Variants in UXS1 observed in about 807,000 individuals in gnomAD.
The protein encoded by UXS1 is UDP-glucuronic acid decarboxylase 1.
A neutral mutation model predicts 62.6 loss-of-function variants in UXS1; 33 were observed. The ratio of observed to expected loss-of-function variants is 0.53; its 90% CI spans 0.40 to 0.70. The LOEUF (loss-of-function observed/expected upper bound fraction) is 0.70, where lower values mean the gene tolerates loss of function less well. UXS1 is among the 30% of genes least tolerant of loss of function. UXS1 has a pLI of 0.00. For missense variants in UXS1, 434 were observed against 556.3 expected (o/e 0.78, Z 2.21); for synonymous variants, 213 against 206.8 (o/e 1.03, Z -0.26).
At chr2:106,110,347 G>A (rs141015334) in intron 10 of UXS1, among the ~76,000 whole-genome samples, 6 of 152,310 alleles carry the variant, frequency 3.9e-5, no homozygotes, top group African/African-American at 9.6e-5. Flanking sequence ...AACAATGCAT[G>A]CATTCTTGGG....
At chr2:106,128,349 T>C (rs189938802) in intron 7 of UXS1, among the ~76,000 whole-genome samples, 116 of 152,298 alleles carry the variant, frequency 7.6e-4, no homozygotes, top group Admixed American at 2.5e-3. Flanking sequence ...CTGTCCCCTG[T>C]GATGGTTCAT....
intron 1 of UXS1, among the ~76,000 whole-genome samples, chr2:106,176,193 C>T (rs1238690735): frequency 6.6e-6 from 1 of 152,106 alleles, no homozygotes; most frequent in Non-Finnish European, 1.5e-5. Flanking sequence ...CTGCAGTCCT[C>T]CCACCTCCCA....
rs768124349 is a variant in UXS1, at chr2:106,094,152, C to T, written c.1152G>A (p.Pro384=). ...KLMLGWEPVV[P]LEEGLNKAIH... ...TTGCTTTGTTTAAACCTTCCTCCAG[C>T]GGGACCTGTTTAAAGGGAAAGCAAG... The change falls in exon 15 of 15, where the codon CCG becomes CCA. Residue 384 remains proline (P), a synonymous_variant. Coordinates refer to ENST00000283148, the MANE Select transcript of UXS1 (RefSeq NM_001253875.2). The T allele has an allele frequency of 9.9e-6, 16 of 1,609,164 alleles. No homozygotes were observed. The African/African-American group carries it at 1.2e-4, about 12-fold the overall frequency.
chr2:106,158,237 A>T (rs1416811771), intron 4 of UXS1, 119 bp from the exon 5 acceptor site: 11 of 840,070 alleles, frequency 1.3e-5, no homozygotes, highest in Middle Eastern at 2.3e-4. Flanking sequence ...TCTTCTCTCC[A>T]CTCTTGAATG....
chr2:106,137,617 G>A (rs371229511), intron 6 of UXS1, among the ~76,000 whole-genome samples: 21 of 151,274 alleles, frequency 1.4e-4, no homozygotes, highest in African/African-American at 4.6e-4. Flanking sequence ...GGTGAAACCC[G>A]TCTCTACTAA....
intron 1 of UXS1, among the ~76,000 whole-genome samples, chr2:106,187,052 G>A (rs1259487761): frequency 6.6e-6 from 1 of 151,624 alleles, no homozygotes; most frequent in Admixed American, 6.6e-5. Context: ...AACAAAAAAA[G>A]TATATATAAA....
chr2:106,119,168 C>T (rs549192899), intron 9 of UXS1, among the ~76,000 whole-genome samples: 7 of 152,298 alleles, frequency 4.6e-5, no homozygotes, highest in African/African-American at 1.2e-4. Context: ...CTACTGCAGG[C>T]GCATGAACCA....
At chr2:106,099,798 A>C (rs1024614824) in intron 12 of UXS1, among the ~76,000 whole-genome samples, 1 of 152,228 alleles carries the variant, frequency 6.6e-6, no homozygotes, top group Admixed American at 6.5e-5. Flanking sequence ...TGAGGCTTAC[A>C]GTGTGAGGCA....
intron 4 of UXS1, among the ~76,000 whole-genome samples, chr2:106,162,420 C>T (rs570264792): frequency 1.1e-4 from 16 of 152,234 alleles, no homozygotes; most frequent in African/African-American, 3.9e-4. Context: ...CGAATTGAGA[C>T]ATTTTTCTTT....
intron 4 of UXS1, among the ~76,000 whole-genome samples, chr2:106,162,090 G>A (rs947919553): frequency 3.3e-5 from 5 of 152,198 alleles, no homozygotes; most frequent in East Asian, 1.9e-4. Context: ...CCAGGCCTAC[G>A]CTTGACCTTC....
chr2:106,116,900 C>T (rs767106537), intron 9 of UXS1, among the ~76,000 whole-genome samples: 24 of 152,322 alleles, frequency 1.6e-4, no homozygotes, highest in Non-Finnish European at 2.8e-4. Flanking sequence ...GCCCTGCTCA[C>T]GACACATGGG....
intron 2 of UXS1, among the ~76,000 whole-genome samples, 158 bp from the exon 3 acceptor site, chr2:106,164,957 G>C (rs1334177996): frequency 6.6e-6 from 1 of 152,174 alleles, no homozygotes; most frequent in Non-Finnish European, 1.5e-5. Context: ...CAGAGGAAAA[G>C]AAGACAACCA....
At chr2:106,166,140 C>A in intron 1 of UXS1, 57 bp from the exon 2 acceptor site, 1 of 1,516,614 alleles carries the variant, frequency 6.6e-7, no homozygotes, top group Non-Finnish European at 9.0e-7. Flanking sequence ...TCAGGGATTC[C>A]AATGGATGGA....
At chr2:106,161,787 T>C (rs969963752) in intron 4 of UXS1, among the ~76,000 whole-genome samples, 1 of 152,116 alleles carries the variant, frequency 6.6e-6, no homozygotes, top group Non-Finnish European at 1.5e-5. Context: ...TATTAAGCAA[T>C]GGGAGTGTGG....
chr2:106,110,707 G>A (rs954103352), intron 10 of UXS1, among the ~76,000 whole-genome samples: 1 of 152,248 alleles, frequency 6.6e-6, no homozygotes, highest in South Asian at 2.1e-4. Flanking sequence ...TCTCTCCTGC[G>A]CCCACGTACC....
intron 1 of UXS1, among the ~76,000 whole-genome samples, chr2:106,183,990 G>A (rs2004836): frequency 0.79 from 120,174 of 151,878 alleles, 48,458 homozygotes; most frequent in Non-Finnish European, 0.88. Flanking sequence ...TCGGGAGTTC[G>A]AGACCAGCCT....
At chr2:106,127,784 G>A (rs1421594145) in intron 7 of UXS1, among the ~76,000 whole-genome samples, 1 of 152,166 alleles carries the variant, frequency 6.6e-6, no homozygotes, top group East Asian at 1.9e-4. Flanking sequence ...GTCTCCCTTT[G>A]CCTTTTGTAT....
At chr2:106,117,067 G>GTCTGTGTGGGTTTTC (rs1451409571) in intron 9 of UXS1, among the ~76,000 whole-genome samples, 1 of 152,198 alleles carries the variant, frequency 6.6e-6, no homozygotes, top group African/African-American at 2.4e-5. Flanking sequence ...CTCTCCCCAC[G>GTCTGTGTGGGTTTTC]TCTGTGTGGG....
chr2:106,153,479 C>T (rs1238790633), intron 5 of UXS1, among the ~76,000 whole-genome samples: 3 of 151,928 alleles, frequency 2.0e-5, no homozygotes, highest in Admixed American at 1.3e-4. Context: ...ACTGGAGTGG[C>T]GGGGACGGAA....
Sources: gnomAD v4.1 joint callset for allele counts (sites outside exome capture counted in the v4.1 genomes callset) on GRCh38, gnomAD v4.1.1 for gene constraint, MANE v1.5 for transcripts, NCBI Gene and HGNC (gene_info 2026-07-23, HGNC 2026-07-21) for gene names.